OPRD1: variants seen among roughly 807,000 people sequenced by gnomAD.
The protein encoded by OPRD1 is opioid receptor delta 1.
A neutral mutation model predicts 17.5 loss-of-function variants in OPRD1; 19 were observed. The observed-to-expected ratio is 1.09, with a 90% confidence interval of 0.76 to 1.60. The LOEUF is 1.60. Ranked by LOEUF, OPRD1 falls within the 40% of genes most tolerant of loss-of-function variation. The probability of loss-of-function intolerance (pLI) is 0.00; values close to 1 mark genes in which losing one functional copy is unlikely to be tolerated. For missense variants in OPRD1, 483 were observed against 547.2 expected (o/e 0.88, Z 1.17); for synonymous variants, 256 against 240.9 (o/e 1.06, Z -0.58).
At chr1:28,852,164 T>TAAAAAAAAAAAAAAA (rs71030305) in intron 1 of OPRD1, among the ~76,000 whole-genome samples, 1 of 86,748 alleles carries the variant, frequency 1.2e-5, no homozygotes. Context: ...AAACTCCATG[T>TAAAAAAAAAAAAAAA]AAAAAAAAAA....
intron 1 of OPRD1, among the ~76,000 whole-genome samples, chr1:28,819,888 C>T (rs1054725190): frequency 6.6e-6 from 1 of 152,146 alleles, no homozygotes; most frequent in Admixed American, 6.6e-5. Flanking sequence ...AGAGCCTGGG[C>T]ATTGGAGCCA....
At chr1:28,845,495 A>T (rs1242162958) in intron 1 of OPRD1, among the ~76,000 whole-genome samples, 3 of 144,842 alleles carry the variant, frequency 2.1e-5, no homozygotes, top group Admixed American at 7.0e-5. Context: ...AAAAAAAAAA[A>T]TTGATATAGT....
Position 28,867,019 on chromosome 1 carries a change from T to C in OPRD1, c.*3736T>C, listed in dbSNP as rs2089181027. The stretch of plus-strand genomic sequence containing the variant: ...CTTCATCATCTTTTTTTTTTTTTTT[T>C]CAGCCAGTGTCTTGCTCTGTTGCCC... On this transcript the variant is annotated 3_prime_UTR_variant, in exon 3 of 3. Coordinates refer to ENST00000234961, the MANE Select transcript of OPRD1 (RefSeq NM_000911.4). 1.5e-5 allele frequency: 2 copies of C among 134,674 alleles called. No individual in the cohort carries two copies. The highest frequency in any genetic ancestry group is 2.5e-4 in the South Asian group (1 of 4,024). 8.3% of individuals were successfully genotyped at this position (134,674 alleles called of 1,614,324 possible).
chr1:28,862,688 C>A, intron 2 of OPRD1, 54 bp from the exon 3 acceptor site: 1 of 1,520,424 alleles, frequency 6.6e-7, no homozygotes, highest in South Asian at 1.3e-5. Flanking sequence ...GTGGGGGCCC[C>A]TTAGGCACAC....
Position 28,854,666 on chromosome 1 carries a change from T to A in OPRD1, c.228-4288T>A, listed in dbSNP as rs937129222. Among the ~76,000 whole-genome samples, 46 of 151,854 alleles carry A rather than the reference T, an allele frequency of 3.0e-4. 1 individual carries two copies. The highest frequency in any genetic ancestry group is 2.0e-4 in the Admixed American group (3 of 15,224). ...GTCTCTTGTGAGCCTGCTTTTTTTT[T>A]TTTTGAGACAGAGTCTCACCCTGTC... On this transcript the variant is annotated intron_variant, in intron 1 of 2. Coordinates refer to ENST00000234961, the MANE Select transcript of OPRD1 (RefSeq NM_000911.4).
rs771698461 is a variant in OPRD1, at chr1:28,812,447, G to A, written c.64G>A (p.Ala22Thr). 4.7e-6 allele frequency: 7 copies of A among 1,505,356 alleles called. No individual in the cohort carries two copies. The South Asian group carries it at 6.2e-5, about 13-fold the overall frequency. 93.2% of individuals were successfully genotyped at this position (1,505,356 alleles called of 1,614,324 possible). The change falls in exon 1 of 3, where the codon GCC (alanine) becomes ACC (threonine). Residue 22 changes from alanine to threonine, a missense_variant. Coordinates refer to ENST00000234961, the MANE Select transcript of OPRD1 (RefSeq NM_000911.4). ...QPPLFANASD[A>T]YPSACPSAGA... ...CCCGCTCTTCGCCAACGCCTCGGAC[G>A]CCTACCCTAGCGCCTGCCCCAGCGC...
intron 1 of OPRD1, among the ~76,000 whole-genome samples, chr1:28,821,201 C>T (rs973025741): frequency 6.6e-6 from 1 of 152,024 alleles, no homozygotes; most frequent in African/African-American, 2.4e-5. Flanking sequence ...CTCCCGGGTT[C>T]AAGCAGTTCT....
chr1:28,844,476 A>G (rs1418954187), intron 1 of OPRD1, among the ~76,000 whole-genome samples: 2 of 152,018 alleles, frequency 1.3e-5, no homozygotes, highest in East Asian at 3.9e-4. Flanking sequence ...TTTTTTGTAG[A>G]GATGGGGTTT....
intron 1 of OPRD1, among the ~76,000 whole-genome samples, chr1:28,839,389 T>G (rs2088878122): frequency 6.6e-6 from 1 of 152,232 alleles, no homozygotes; most frequent in South Asian, 2.1e-4. Flanking sequence ...GGGCTTGAGA[T>G]CCTTAACTTA....
At chr1:28,853,741 C>CT (rs997848528) in intron 1 of OPRD1, among the ~76,000 whole-genome samples, 16 of 145,032 alleles carry the variant, frequency 1.1e-4, no homozygotes, top group African/African-American at 2.3e-4. Flanking sequence ...ATAAAATTTT[C>CT]TTTTTTTTTT....
At chr1:28,823,049 C>T (rs544120953) in intron 1 of OPRD1, among the ~76,000 whole-genome samples, 86 of 152,142 alleles carry the variant, frequency 5.7e-4, no homozygotes, top group African/African-American at 1.9e-3. Flanking sequence ...GCCCCATTAC[C>T]GGCTGGGAGC....
chr1:28,847,083 C>G (rs908906261), intron 1 of OPRD1, among the ~76,000 whole-genome samples: 3 of 126,044 alleles, frequency 2.4e-5, no homozygotes, highest in Non-Finnish European at 5.3e-5. Flanking sequence ...CGGAGTTTGG[C>G]TCTTGTGGCC....
In OPRD1 at chr1:28,843,738, C is replaced by A. The variant is rs145853906; in HGVS notation, c.228-15216C>A. ...GGGTCAAGCAGTCATTCCACCTCAG[C>A]CTCCCGAGTAGCTGGGACTACAAAC... is the stretch of plus-strand genomic sequence containing the variant. On this transcript the variant is annotated intron_variant, in intron 1 of 2. Transcript: ENST00000234961. Among the ~76,000 whole-genome samples, 363 of 152,256 alleles carry A rather than the reference C, an allele frequency of 2.4e-3. 1 individual carries two copies. The highest frequency in any genetic ancestry group is 8.1e-3 in the African/African-American group (335 of 41,550).
chr1:28,832,384 G>A (rs2088814056), intron 1 of OPRD1, among the ~76,000 whole-genome samples: 1 of 152,100 alleles, frequency 6.6e-6, no homozygotes, highest in South Asian at 2.1e-4. Flanking sequence ...TTGGGAGGCC[G>A]AGGTGGGAGA....
chr1:28,846,748 A>T (rs553321084), intron 1 of OPRD1, among the ~76,000 whole-genome samples: 1 of 149,770 alleles, frequency 6.7e-6, no homozygotes, highest in African/African-American at 2.4e-5. Flanking sequence ...CTCTCTTGTA[A>T]GTGCAGTAAT....
intron 1 of OPRD1, among the ~76,000 whole-genome samples, chr1:28,824,770 A>G (rs1230297587): frequency 1.3e-5 from 2 of 152,210 alleles, no homozygotes; most frequent in African/African-American, 2.4e-5. Context: ...GAGAAACGAC[A>G]TAACATGCCC....
intron 1 of OPRD1, among the ~76,000 whole-genome samples, chr1:28,821,886 A>C (rs1264317293): frequency 6.6e-6 from 1 of 152,160 alleles, no homozygotes; most frequent in Non-Finnish European, 1.5e-5. Flanking sequence ...AAAACAAAAA[A>C]ATAGTAATCA....
chr1:28,834,458 G>A (rs2088833624), intron 1 of OPRD1, among the ~76,000 whole-genome samples: 1 of 145,562 alleles, frequency 6.9e-6, no homozygotes, highest in South Asian at 2.2e-4. Context: ...TCGGTTCACT[G>A]CAACCTCCAC....
At chr1:28,828,835 CA>C (rs1160382941) in intron 1 of OPRD1, among the ~76,000 whole-genome samples, 5 of 151,558 alleles carry the variant, frequency 3.3e-5, no homozygotes, top group African/African-American at 1.2e-4. Flanking sequence ...ACTAAAAATA[CA>C]AAAATTAGCC....
Sources: allele counts gnomAD v4.1 joint callset (sites outside exome capture counted in the v4.1 genomes callset), GRCh38; gene constraint gnomAD v4.1.1; transcripts MANE v1.5; gene names NCBI Gene and HGNC (gene_info 2026-07-23, HGNC 2026-07-21).